Variants in ZNF337 observed in about 807,000 individuals in gnomAD.
The protein encoded by ZNF337 is zinc finger protein 337.
ZNF337 carries 8 observed loss-of-function variants against 12.1 expected under a neutral mutation model. The ratio of observed to expected loss-of-function variants is 0.66; its 90% CI spans 0.39 to 1.19. ZNF337 has a LOEUF of 1.19. Among genes scored for constraint, ZNF337 ranks in the 50% most tolerant of loss-of-function variants. ZNF337 has a pLI of 0.01. For synonymous variants in ZNF337, 336 were observed against 320.0 expected, an observed-to-expected ratio of 1.05 and a Z score of -0.53; for missense variants, 882 against 896.6, an observed-to-expected ratio of 0.98 and a Z score of 0.21.
chr20:25,676,703 T>C lies in ZNF337; in HGVS notation c.585A>G (p.Val195=), dbSNP rs769517062. Residue 195 remains valine, a synonymous_variant, in exon 5 of 5, where the codon GTA becomes GTG. Transcript: ENST00000252979. ...RGQDFSRKMM[V]IIHKKAHSRQ... is the part of the protein sequence containing the mutation. Reference sequence around the variant, plus strand: ...TGGAATGTGCTTTTTTGTGTATGATTACCATCATCTTCCGGCTGAAGTCTT... The same window carrying C: ...TGGAATGTGCTTTTTTGTGTATGATCACCATCATCTTCCGGCTGAAGTCTT... 1 of 1,614,226 alleles carries C rather than the reference T, an allele frequency of 6.2e-7. No homozygotes were observed. The highest frequency in any genetic ancestry group is 8.5e-7 in the Non-Finnish European group (1 of 1,180,040).
rs1224553603 is a variant in ZNF337, at chr20:25,675,839, T to C, written c.1449A>G (p.Ser483=). Residue 483 remains serine (S), a synonymous_variant, in exon 5 of 5, where the codon TCA becomes TCG. Transcript: ENST00000252979. The stretch of plus-strand genomic sequence containing the variant: ...CCCGACATCCATAAGGCTTCTCCTC[T>C]GAGTGTGTCCTCTGGTGTAAAGTGA... The part of the protein sequence containing the change: ...STFTLHQRTH[S]EEKPYGCREC... 1.2e-6 allele frequency: 2 copies of C among 1,614,208 alleles called. No individual in the cohort carries two copies. Among genetic ancestry groups the C allele is most frequent in the East Asian group, 2.2e-5 (1 of 44,872 alleles).
At chr20:25,690,400 A>G (rs2065874445) in intron 1 of ZNF337, among the ~76,000 whole-genome samples, 1 of 152,238 alleles carries the variant, frequency 6.6e-6, no homozygotes. Flanking sequence ...GAACTTGCCT[A>G]TAGATCCCTG....
At chr20:25,689,853 A>G (rs1176960828) in intron 1 of ZNF337, among the ~76,000 whole-genome samples, 1 of 152,248 alleles carries the variant, frequency 6.6e-6, no homozygotes, top group Admixed American at 6.5e-5. Flanking sequence ...TTACAGAAAA[A>G]GCATTAATCA....
intron 1 of ZNF337, among the ~76,000 whole-genome samples, chr20:25,687,626 A>G (rs2030590148): frequency 6.6e-6 from 1 of 152,260 alleles, no homozygotes; most frequent in African/African-American, 2.4e-5. Flanking sequence ...CCACTCTGCC[A>G]AAAGGAAAAA....
Position 25,683,685 on chromosome 20 carries a change from A to G in ZNF337, c.250+1882T>C, listed in dbSNP as rs536641952. Among the ~76,000 whole-genome samples, 133 of 152,270 alleles carry G rather than the reference A, an allele frequency of 8.7e-4. 2 individuals are homozygous for G. The South Asian group carries it at 0.021, about 24-fold the overall frequency. ...CCATCTCATACCAGTTAGAATGGCA[A>G]TCATTAAAAAGGAAACAACAGGTGC... is the stretch of plus-strand genomic sequence containing the variant. On this transcript the variant is annotated intron_variant, in intron 4 of 4. Coordinates refer to ENST00000252979, the MANE Select transcript of ZNF337 (RefSeq NM_015655.4).
At chr20:25,692,142 C>G (rs370585845) in intron 1 of ZNF337, among the ~76,000 whole-genome samples, 2 of 152,184 alleles carry the variant, frequency 1.3e-5, no homozygotes, top group African/African-American at 4.8e-5. Flanking sequence ...AGAAGTAAAA[C>G]AGACAAGGGG....
At chr20:25,685,897 G>A (rs982023386) in intron 3 of ZNF337, 99 bp downstream of exon 3, 1 of 1,506,990 alleles carries the variant, frequency 6.6e-7, no homozygotes, top group Non-Finnish European at 8.9e-7. Flanking sequence ...CTTCCTCAGG[G>A]GAATAGAGAA....
chr20:25,693,959 A>T (rs2122477739), intron 1 of ZNF337, among the ~76,000 whole-genome samples: 1 of 144,150 alleles, frequency 6.9e-6, no homozygotes, highest in African/African-American at 2.9e-5. Flanking sequence ...TCTTCTTGTT[A>T]AAAAAAAAGG....
chr20:25,676,357 A>C lies in ZNF337; in HGVS notation c.931T>G (p.Leu311Val), dbSNP rs200494713. The C allele has an allele frequency of 6.2e-7, 1 of 1,612,178 alleles. No individual in the cohort carries two copies. The highest frequency in any genetic ancestry group is 1.3e-5 in the African/African-American group (1 of 74,286). ...FNDKSSYNKH[L>V]KAHSGEKPFV... ...GGCTTCTCCCCTGAATGCGCCTTCA[A>C]GTGCTTGTTGTATGAGGACTTATCG... The change falls in exon 5 of 5, where the codon TTG becomes GTG. Residue 311 changes from leucine (L) to valine (V), a missense_variant. Physicochemically the swap from Leu to Val is conservative, Grantham distance 32. Coordinates refer to ENST00000252979, the MANE Select transcript of ZNF337 (RefSeq NM_015655.4).
In ZNF337 at chr20:25,676,379, AT is replaced by A. The variant is rs1569006343; in HGVS notation, c.908del (p.Asp303ValfsTer9). On this transcript the variant is annotated frameshift_variant, in exon 5 of 5. Coordinates refer to ENST00000252979, the MANE Select transcript of ZNF337 (RefSeq NM_015655.4). LOFTEE classifies it low-confidence loss of function (END_TRUNC). Reference protein sequence around the residue: ...ECQECGRRFNDKSSYNKHLKA... With the variant: ...ECQECGRRFNXKSSYNKHLKA... ...TCAAGTGCTTGTTGTATGAGGACTT[AT>A]CGTTAAACCTTCGCCCACACTCCTG... The A allele has an allele frequency of 6.2e-7, 1 of 1,614,142 alleles. No homozygotes were observed. The highest frequency in any genetic ancestry group is 1.7e-5 in the Admixed American group (1 of 60,022).
intron 4 of ZNF337, among the ~76,000 whole-genome samples, chr20:25,682,288 TG>T (rs2065777476): frequency 1.3e-5 from 2 of 152,070 alleles, no homozygotes; most frequent in South Asian, 4.2e-4. Context: ...AATCCAGGAA[TG>T]GGAGATGAGG....
At position 25,675,341 on chromosome 20, in the gene ZNF337, T is replaced by C. The variant is rs1374601553; in HGVS notation, c.1947A>G (p.Thr649=). 3 of 1,614,258 alleles carry C rather than the reference T, an allele frequency of 1.9e-6. No individual in the cohort carries two copies. Among genetic ancestry groups the C allele is most frequent in the Admixed American group, 1.7e-5 (1 of 60,032 alleles). The change falls in exon 5 of 5, where the codon ACA becomes ACG. Residue 649 remains threonine, a synonymous_variant. Coordinates refer to ENST00000252979, the MANE Select transcript of ZNF337 (RefSeq NM_015655.4). The part of the protein sequence containing the change: ...WKGNLLTHQR[T]HSGEKPFVCN... ...ACACGAAGGGCTTCTCCCCTGAGTG[T>C]GTCCTCTGGTGTGTGAGGAGATTTC... is the stretch of plus-strand genomic sequence containing the variant.
Position 25,675,590 on chromosome 20 carries a change from G to A in ZNF337, c.1698C>T (p.His566=). Residue 566 remains histidine (H), a synonymous_variant, in exon 5 of 5, where the codon CAC becomes CAT. Transcript: ENST00000252979. ...TGCAATTAAATGGCCTTTCCCCCGA[G>A]TGTGTCCACTGATGTCTAAGAAGAT... ...KANLLRHQWT[H]SGERPFNCKD... 6.2e-7 allele frequency: 1 copy of A among 1,613,954 alleles called. No homozygotes were observed. Among genetic ancestry groups the A allele is most frequent in the Non-Finnish European group, 8.5e-7 (1 of 1,179,982 alleles).
intron 1 of ZNF337, among the ~76,000 whole-genome samples, chr20:25,696,436 C>T (rs1053883496): frequency 4.6e-5 from 7 of 152,158 alleles, no homozygotes; most frequent in African/African-American, 7.2e-5. Context: ...ACCCGAGGAG[C>T]GGCGACCCTG....
intron 2 of ZNF337, 120 bp downstream of exon 2, chr20:25,686,271 A>G: frequency 6.8e-7 from 1 of 1,470,898 alleles, no homozygotes; most frequent in Non-Finnish European, 9.4e-7. Flanking sequence ...CAGGAAAGAC[A>G]GATCACTCCC....
At chr20:25,688,933 G>A (rs553873316) in intron 1 of ZNF337, among the ~76,000 whole-genome samples, 1 of 151,972 alleles carries the variant, frequency 6.6e-6, no homozygotes, top group Non-Finnish European at 1.5e-5. Flanking sequence ...GATTGAGACC[G>A]TCCTGGCTAA....
rs775685560 is a variant in ZNF337, at chr20:25,685,969, G to A, written c.154+27C>T. ...ACATCAGAGGCACCACAGGCCAAAT[G>A]TTAGGCTCGAGGGAAGCCACGCTTA... On this transcript the variant is annotated intron_variant, in intron 3 of 4. Transcript: ENST00000252979. The A allele has an allele frequency of 1.1e-5, 18 of 1,597,334 alleles. No individual in the cohort carries two copies. In the South Asian group the frequency reaches 1.9e-4, roughly 17 times the overall value.
At chr20:25,685,892 T>C (rs1298434086) in intron 3 of ZNF337, 104 bp downstream of exon 3, 1 of 1,501,890 alleles carries the variant, frequency 6.7e-7, no homozygotes, top group Non-Finnish European at 8.9e-7. Context: ...CAGACCTTCC[T>C]CAGGGGAATA....
intron 4 of ZNF337, among the ~76,000 whole-genome samples, chr20:25,685,096 G>A (rs537899721): frequency 1.1e-4 from 17 of 148,676 alleles, no homozygotes; most frequent in Non-Finnish European, 1.8e-4. Flanking sequence ...TGCATGTTGT[G>A]CACATATACC....
Sources: gnomAD v4.1 joint callset for allele counts (sites outside exome capture counted in the v4.1 genomes callset) on GRCh38, gnomAD v4.1.1 for gene constraint, MANE v1.5 for transcripts, NCBI Gene and HGNC (gene_info 2026-07-23, HGNC 2026-07-21) for gene names.